SLC44A2: variants seen among roughly 807,000 people sequenced by gnomAD.
SLC44A2 encodes the protein choline transporter-like protein 2.
Under a neutral mutation model 90.8 loss-of-function variants are expected in SLC44A2, and 57 were observed. The observed-to-expected ratio is 0.63, with a 90% confidence interval of 0.51 to 0.78. The LOEUF is 0.78. Ranked by LOEUF, SLC44A2 falls within the 30% of genes least tolerant of loss-of-function variation. SLC44A2 has a pLI of 0.00. For missense variants in SLC44A2, 794 were observed against 919.7 expected (o/e 0.86, Z 1.77); for synonymous variants, 355 against 360.7 (o/e 0.98, Z 0.18).
chr19:10,643,215 T>A, intron 21 of SLC44A2, 64 bp from the exon 22 acceptor site: 1 of 1,550,230 alleles, frequency 6.5e-7, no homozygotes, highest in Non-Finnish European at 8.7e-7. Flanking sequence ...CCACCTACCC[T>A]GTCCTTGAGG....
intron 5 of SLC44A2, 33 bp from the exon 6 acceptor site, chr19:10,631,242 A>G: frequency 6.2e-7 from 1 of 1,611,030 alleles, no homozygotes; most frequent in Non-Finnish European, 8.5e-7. Context: ...GTCTGCCCCA[A>G]CTCCACCCAA....
chr19:10,631,704 G>C lies in SLC44A2; in HGVS notation c.581G>C (p.Gly194Ala), dbSNP rs757613456. 1 of 1,613,064 alleles carries C rather than the reference G, an allele frequency of 6.2e-7. No homozygotes were observed. Among genetic ancestry groups the C allele is most frequent in the Non-Finnish European group, 8.5e-7 (1 of 1,180,040 alleles). ...GGCAATGAGACGACCTATGAGGATG[G>C]GCATGGCTCCCGGAAAAACATCACA... Reference protein sequence around the residue: ...MVGNETTYEDGHGSRKNITDL... With the variant: ...MVGNETTYEDAHGSRKNITDL... The change falls in exon 8 of 22, where the codon GGG becomes GCG. Residue 194 changes from glycine (G) to alanine (A), a missense_variant. Physicochemically the swap from Gly to Ala is moderately conservative, Grantham distance 60 (BLOSUM62 0). Transcript: ENST00000335757.
Position 10,638,286 on chromosome 19 carries a change from C to T in SLC44A2, c.1900C>T (p.Pro634Ser). ...CAGGATCGTGCAGGATACAGCACCA[C>T]CCCTCAATTATTACTGGGTTCCTAT... ...RIRIVQDTAP[P>S]LNYYWVPILT... The change falls in exon 20 of 22, where the codon CCC (proline) becomes TCC (serine). Residue 634 changes from proline (P) to serine (S), a missense_variant. Transcript: ENST00000335757. 2 of 1,614,026 alleles carry T rather than the reference C, an allele frequency of 1.2e-6. No individual in the cohort carries two copies. Among genetic ancestry groups the T allele is most frequent in the Non-Finnish European group, 1.7e-6 (2 of 1,179,986 alleles).
intron 14 of SLC44A2, chr19:10,635,738 C>A: frequency 2.1e-6 from 1 of 484,462 alleles, no homozygotes; most frequent in East Asian, 3.6e-5. Context: ...CAGGCCTTCA[C>A]CCTGGGTGCT....
chr19:10,605,181 G>A (rs1218060728), intron 1 of SLC44A2, among the ~76,000 whole-genome samples: 2 of 152,148 alleles, frequency 1.3e-5, no homozygotes, highest in African/African-American at 4.8e-5. Context: ...AGGAGATCGA[G>A]ACAATCCTGG....
intron 4 of SLC44A2, among the ~76,000 whole-genome samples, chr19:10,628,305 A>T (rs891303596): frequency 4.6e-5 from 7 of 152,202 alleles, no homozygotes; most frequent in African/African-American, 7.2e-5. Flanking sequence ...GAATCACTTG[A>T]ACCACAGGAG....
intron 20 of SLC44A2, among the ~76,000 whole-genome samples, chr19:10,638,547 G>A (rs893365604): frequency 2.0e-5 from 3 of 152,044 alleles, no homozygotes; most frequent in East Asian, 1.9e-4. Context: ...GGGTTCAAGC[G>A]AATTCTCGAG....
intron 20 of SLC44A2, among the ~76,000 whole-genome samples, chr19:10,641,640 C>T (rs2067117267): frequency 6.6e-6 from 1 of 151,620 alleles, no homozygotes; most frequent in East Asian, 1.9e-4. Context: ...ATCTCTTAAG[C>T]CCAGGATGGG....
intron 1 of SLC44A2, among the ~76,000 whole-genome samples, chr19:10,618,143 T>C (rs2144823223): frequency 6.6e-6 from 1 of 150,704 alleles, no homozygotes; most frequent in East Asian, 2.0e-4. Flanking sequence ...TAGCTGGGAC[T>C]ACAGGCGCCT....
upstream of SLC44A2, among the ~76,000 whole-genome samples, chr19:10,623,959 G>T (rs181792217): frequency 1.3e-5 from 2 of 152,012 alleles, no homozygotes; most frequent in Non-Finnish European, 2.9e-5. Flanking sequence ...ACAGTGCTGG[G>T]ATTACAGGCA....
chr19:10,622,716 C>A (rs1022954336), upstream of SLC44A2, among the ~76,000 whole-genome samples: 9 of 151,888 alleles, frequency 5.9e-5, no homozygotes, highest in Non-Finnish European at 1.5e-5. Flanking sequence ...GCCTGGGCAA[C>A]ATTGCGAGAC....
intron 1 of SLC44A2, among the ~76,000 whole-genome samples, chr19:10,609,203 A>C (rs1382916613): frequency 6.6e-6 from 1 of 151,878 alleles, no homozygotes; most frequent in Non-Finnish European, 1.5e-5. Flanking sequence ...TGATCTGCCC[A>C]CCTTGGCCTC....
rs2066923906 is a variant in SLC44A2, at chr19:10,625,603, G to A, written c.-31G>A. Reference sequence around the variant, plus strand: ...GTCGAGGGGGCGCGGGAGAGAGCGCGGGCGGCCGCCGGGGCTGGTCGCCTG... The same window carrying A: ...GTCGAGGGGGCGCGGGAGAGAGCGCAGGCGGCCGCCGGGGCTGGTCGCCTG... On this transcript the variant is annotated 5_prime_UTR_variant, in exon 1 of 22. Coordinates refer to ENST00000335757, the MANE Select transcript of SLC44A2 (RefSeq NM_020428.4). 4.0e-6 allele frequency: 5 copies of A among 1,243,052 alleles called. No individual in the cohort carries two copies. Among genetic ancestry groups the A allele is most frequent in the Non-Finnish European group, 5.1e-6 (5 of 989,838 alleles). The allele number at this position is 1,243,052 out of a possible 1,614,324, so 77.0% of individuals were successfully genotyped here.
rs530390054 is a variant in SLC44A2 at position 10,643,491 on chromosome 19, G to A, written c.*106G>A. 30 of 1,300,240 alleles carry A rather than the reference G, an allele frequency of 2.3e-5. No homozygotes were observed. Among genetic ancestry groups the A allele is most frequent in the Non-Finnish European group, 2.9e-5 (28 of 954,984 alleles). 80.5% of individuals were successfully genotyped at this position (1,300,240 alleles called of 1,614,324 possible). A position where few individuals can be genotyped will look rare whatever the true frequency, so the allele number is the denominator to read the frequency against. On this transcript the variant is annotated 3_prime_UTR_variant, in exon 22 of 22. Coordinates refer to ENST00000335757, the MANE Select transcript of SLC44A2 (RefSeq NM_020428.4). ...GCTCACCTGAAGTCCTATCACTGCC[G>A]CTCTGCCCCTCCCCATGAGCCAGAT... is the stretch of plus-strand genomic sequence containing the variant.
intron 14 of SLC44A2, chr19:10,636,097 C>T: frequency 1.8e-6 from 1 of 554,574 alleles, no homozygotes; most frequent in Non-Finnish European, 3.1e-6. Flanking sequence ...CATTTCATTT[C>T]CTGTCTCCAT....
At chr19:10,606,248 A>C in intron 1 of SLC44A2, among the ~76,000 whole-genome samples, 1 of 152,124 alleles carries the variant, frequency 6.6e-6, no homozygotes, top group Non-Finnish European at 1.5e-5. Flanking sequence ...CAGTGAGCAA[A>C]GATAGCGCCA....
intron 1 of SLC44A2, among the ~76,000 whole-genome samples, chr19:10,613,981 T>A (rs536168504): frequency 3.3e-5 from 5 of 152,126 alleles, no homozygotes; most frequent in East Asian, 1.9e-4. Flanking sequence ...TATTATTATT[T>A]TTGAGACGAG....
At chr19:10,614,372 A>AC (rs2066838151) in intron 1 of SLC44A2, among the ~76,000 whole-genome samples, 1 of 151,866 alleles carries the variant, frequency 6.6e-6, no homozygotes, top group Non-Finnish European at 1.5e-5. Context: ...AGGGGCACCA[A>AC]CCCCCTGTGA....
chr19:10,620,795 C>T (rs1021851670), upstream of SLC44A2, among the ~76,000 whole-genome samples: 6 of 151,708 alleles, frequency 4.0e-5, no homozygotes, highest in South Asian at 2.1e-4. Context: ...TTTGGGAGGC[C>T]GAGGTGGGAG....
Sources: gnomAD v4.1 joint callset for allele counts (sites outside exome capture counted in the v4.1 genomes callset) on GRCh38, gnomAD v4.1.1 for gene constraint, MANE v1.5 for transcripts, NCBI Gene and HGNC (gene_info 2026-07-23, HGNC 2026-07-21) for gene names.